Variants in EFNA5 observed in about 807,000 individuals in gnomAD.
EFNA5 encodes ephrin A5.
A neutral mutation model predicts 22.9 loss-of-function variants in EFNA5; 5 were observed. That is an observed-to-expected ratio of 0.22 (90% CI 0.11 to 0.46). EFNA5 has a LOEUF of 0.46. Among genes scored for constraint, EFNA5 ranks in the 20% least tolerant of loss-of-function variants. The pLI is 0.99. For synonymous variants in EFNA5, 113 were observed against 112.2 expected, an observed-to-expected ratio of 1.01 and a Z score of -0.04; for missense variants, 237 against 293.3, an observed-to-expected ratio of 0.81 and a Z score of 1.40.
chr5:107,571,712 CAT>C (rs1748810956), intron 1 of EFNA5, among the ~76,000 whole-genome samples: 1 of 152,144 alleles, frequency 6.6e-6, no homozygotes, highest in African/African-American at 2.4e-5. Context: ...CTTCCTGTCG[CAT>C]ACCCACTGGC....
chr5:107,630,055 C>CA lies in EFNA5; in HGVS notation c.125+40433dup, dbSNP rs533897222. ...TGAGCAACAAAGCGTGACTCCATCT[C>CA]AAAAAAAAAAAAAGAAAAAAAAATT... On this transcript the variant is annotated intron_variant, in intron 1 of 4. Transcript: ENST00000333274. Among the ~76,000 whole-genome samples, 217 of 105,808 alleles carry CA rather than the reference C, an allele frequency of 2.1e-3. 1 individual carries two copies. The South Asian group carries it at 0.029, about 14-fold the overall frequency. The allele number at this position is 105,808 out of a possible 152,430, so 69.4% of individuals were successfully genotyped here.
At chr5:107,649,489 G>A (rs867081465) in intron 1 of EFNA5, among the ~76,000 whole-genome samples, 2 of 152,216 alleles carry the variant, frequency 1.3e-5, no homozygotes, top group African/African-American at 2.4e-5. Flanking sequence ...TAATAAAAAT[G>A]AATAATATGT....
chr5:107,460,044 A>C (rs1032956238), intron 1 of EFNA5, among the ~76,000 whole-genome samples: 7 of 152,150 alleles, frequency 4.6e-5, no homozygotes, highest in African/African-American at 1.7e-4. Context: ...TCTGGTTTAA[A>C]ATCAGGAAAG....
chr5:107,448,696 G>A (rs1580458056), intron 1 of EFNA5, among the ~76,000 whole-genome samples: 1 of 151,766 alleles, frequency 6.6e-6, no homozygotes, highest in African/African-American at 2.4e-5. Flanking sequence ...TGCATGTGGT[G>A]GTGTGCGCCT....
At chr5:107,406,663 C>T (rs1748231128) in intron 2 of EFNA5, among the ~76,000 whole-genome samples, 1 of 152,124 alleles carries the variant, frequency 6.6e-6, no homozygotes, top group Admixed American at 6.6e-5. Flanking sequence ...ATAGTACTTA[C>T]CACCTACTTG....
At chr5:107,592,046 A>ATATATAT (rs1749379476) in intron 1 of EFNA5, among the ~76,000 whole-genome samples, 1 of 93,746 alleles carries the variant, frequency 1.1e-5, no homozygotes, top group African/African-American at 5.0e-5. Flanking sequence ...TATATATATT[A>ATATATAT]TACATTAAAC....
intron 1 of EFNA5, among the ~76,000 whole-genome samples, chr5:107,627,908 G>T (rs991072003): frequency 1.3e-5 from 2 of 152,154 alleles, no homozygotes; most frequent in South Asian, 2.1e-4. Flanking sequence ...AGAGCTATAC[G>T]ATACTTAGTT....
chr5:107,561,504 G>T (rs1235348254), intron 1 of EFNA5, among the ~76,000 whole-genome samples: 1 of 152,052 alleles, frequency 6.6e-6, no homozygotes, highest in Non-Finnish European at 1.5e-5. Context: ...GAGTAGCTGG[G>T]ATTACAGGAG....
intron 1 of EFNA5, among the ~76,000 whole-genome samples, chr5:107,541,586 AAG>A (rs1358794957): frequency 7.2e-5 from 11 of 152,352 alleles, no homozygotes; most frequent in Non-Finnish European, 1.5e-5. Context: ...ATTGCACTGA[AAG>A]AGCCAGGTGG....
intron 1 of EFNA5, among the ~76,000 whole-genome samples, chr5:107,458,716 T>C (rs1266449306): frequency 1.3e-5 from 2 of 152,156 alleles, no homozygotes; most frequent in Admixed American, 6.6e-5. Flanking sequence ...AAACTATGCA[T>C]TGAACCGCTG....
At chr5:107,615,489 A>G (rs1749894389) in intron 1 of EFNA5, among the ~76,000 whole-genome samples, 1 of 152,172 alleles carries the variant, frequency 6.6e-6, no homozygotes, top group African/African-American at 2.4e-5. Context: ...TTTTGGATTT[A>G]ACACCCCTGC....
intron 1 of EFNA5, among the ~76,000 whole-genome samples, chr5:107,576,681 A>G (rs1748935269): frequency 6.6e-6 from 1 of 152,222 alleles, no homozygotes; most frequent in South Asian, 2.1e-4. Context: ...GGAAAACACA[A>G]TGGCTGTTTA....
At chr5:107,431,814 G>T (rs1748971279) in intron 1 of EFNA5, among the ~76,000 whole-genome samples, 1 of 152,112 alleles carries the variant, frequency 6.6e-6, no homozygotes, top group South Asian at 2.1e-4. Context: ...CTTTACATAT[G>T]TTATCATATG....
intron 1 of EFNA5, among the ~76,000 whole-genome samples, chr5:107,523,565 T>C (rs1480710691): frequency 6.6e-6 from 1 of 152,168 alleles, no homozygotes; most frequent in Admixed American, 6.5e-5. Flanking sequence ...GACAGTGGCA[T>C]AAAGAGAGTA....
intron 1 of EFNA5, among the ~76,000 whole-genome samples, chr5:107,434,281 TCTTC>T (rs1164480781): frequency 6.6e-6 from 1 of 152,212 alleles, no homozygotes; most frequent in African/African-American, 2.4e-5. Context: ...ACCTCGCTTT[TCTTC>T]CTTATGATTT....
At chr5:107,417,162 C>T in intron 2 of EFNA5, among the ~76,000 whole-genome samples, 1 of 151,928 alleles carries the variant, frequency 6.6e-6, no homozygotes, top group East Asian at 1.9e-4. Flanking sequence ...GGAATGTTAA[C>T]CAAAAACTAA....
chr5:107,377,072 C>T lies in EFNA5; in HGVS notation c.*4183G>A, dbSNP rs1450202272. ...TCGATGAGTAAGTGCAAAGGAACTG[C>T]AAAGCAGGGCAGTACAAGCACAGGA... On this transcript the variant is annotated 3_prime_UTR_variant, in exon 5 of 5. Coordinates refer to ENST00000333274, the MANE Select transcript of EFNA5 (RefSeq NM_001962.3). 6.6e-6 allele frequency: 1 copy of T among 151,958 alleles called. No individual in the cohort carries two copies. The highest frequency in any genetic ancestry group is 1.5e-5 in the Non-Finnish European group (1 of 68,012). 9.4% of individuals were successfully genotyped at this position (151,958 alleles called of 1,614,324 possible). A position where few individuals can be genotyped will look rare whatever the true frequency, so the allele number is the denominator to read the frequency against.
At chr5:107,447,235 C>T (rs1324722050) in intron 1 of EFNA5, among the ~76,000 whole-genome samples, 5 of 144,466 alleles carry the variant, frequency 3.5e-5, no homozygotes, top group Non-Finnish European at 4.6e-5. Context: ...GAGGTCAGCT[C>T]AAAAGACTAA....
chr5:107,381,055 G>T lies in EFNA5; in HGVS notation c.*200C>A. 1 of 649,404 alleles carries T rather than the reference G, an allele frequency of 1.5e-6. No homozygotes were observed. Among genetic ancestry groups the T allele is most frequent in the Admixed American group, 3.2e-5 (1 of 31,284 alleles). 40.2% of individuals were successfully genotyped at this position (649,404 alleles called of 1,614,324 possible). On this transcript the variant is annotated 3_prime_UTR_variant, in exon 5 of 5. Transcript: ENST00000333274. ...GGGCCAGGGCTGGGGGTGGGGCGGG[G>T]TGGGGTGAGGGAGGCAGGAACAAGT...
Sources: gnomAD v4.1 joint callset for allele counts (sites outside exome capture counted in the v4.1 genomes callset) on GRCh38, gnomAD v4.1.1 for gene constraint, MANE v1.5 for transcripts, NCBI Gene and HGNC (gene_info 2026-07-23, HGNC 2026-07-21) for gene names.